Variants in ZMYND11 observed in about 807,000 individuals in gnomAD.
ZMYND11 encodes zinc finger MYND-type containing 11, also known as zinc finger MYND domain-containing protein 11.
Under a neutral mutation model 84.9 loss-of-function variants are expected in ZMYND11, and 9 were observed. The observed-to-expected ratio is 0.11, with a 90% CI of 0.06 to 0.18. The LOEUF (loss-of-function observed/expected upper bound fraction) is 0.18. Among genes scored for constraint, ZMYND11 ranks in the 10% least tolerant of loss-of-function variants. The pLI, the probability that ZMYND11 is intolerant of heterozygous loss-of-function variation, is 1.00. For missense variants in ZMYND11, 409 were observed against 761.0 expected (o/e 0.54, Z 5.44); for synonymous variants, 250 against 244.1 (o/e 1.02, Z -0.23).
At chr10:149,285 GTTATT>G (rs1839705561) in intron 1 of ZMYND11, among the ~76,000 whole-genome samples, 1 of 139,322 alleles carries the variant, frequency 7.2e-6, no homozygotes. Flanking sequence ...TGAGGTGGTT[GTTATT>G]ATTATTATTA....
rs372992673 is a variant in ZMYND11, at chr10:232,858, G to C, written c.439-3980G>C. Among the ~76,000 whole-genome samples, 13 of 152,330 alleles carry C rather than the reference G, an allele frequency of 8.5e-5. No individual in the cohort carries two copies. The East Asian group carries it at 1.5e-3, about 18-fold the overall frequency. On this transcript the variant is annotated intron_variant, in intron 4 of 14. Transcript: ENST00000381604. ...CATAGCACTGTTAGCATATAAATGA[G>C]AGAAGTATTCCTCTTTGTGCAGTAA... is the stretch of plus-strand genomic sequence containing the variant.
In ZMYND11 at chr10:158,993, T is replaced by TTG. The variant is rs1554760512; in HGVS notation, c.-19-21000_-19-20999insGT. ...ATTTGCAGGGTTTTTTGTTTTTTGT[T>TTG]TTTTTTTTTTTTTTTACATTATGTG... On this transcript the variant is annotated intron_variant, in intron 1 of 14. Transcript: ENST00000381604. Among the ~76,000 whole-genome samples the TTG allele has an allele frequency of 4.1e-3, 595 of 145,470 alleles. 9 individuals are homozygous for TTG. Among genetic ancestry groups the TTG allele is most frequent in the African/African-American group, 0.015 (576 of 39,106 alleles).
chr10:154,718 CTTTTAATAGATGTAAAGA>C (rs1841291463), intron 1 of ZMYND11: 1 of 152,046 alleles, frequency 6.6e-6, no homozygotes, highest in South Asian at 2.1e-4. Flanking sequence ...ATTTTTATAT[CTTTTAATAGATGTAAAGA>C]TTTTAATAGA....
chr10:140,290 A>G (rs1325865717), intron 1 of ZMYND11, among the ~76,000 whole-genome samples: 2 of 152,250 alleles, frequency 1.3e-5, no homozygotes, highest in African/African-American at 4.8e-5. Context: ...GTCCTTTTGA[A>G]TAATCATGGC....
rs1405234408 is a variant in ZMYND11, at chr10:135,992, G to A, written c.-20+433G>A. Among the ~76,000 whole-genome samples the A allele has an allele frequency of 1.3e-5, 2 of 151,128 alleles. No homozygotes were observed. The highest frequency in any genetic ancestry group is 3.0e-5 in the Non-Finnish European group (2 of 67,228). The stretch of plus-strand genomic sequence containing the variant: ...GCCGGCGGGGAACGCGGCTCCGGGC[G>A]TGTGGCGGGCGGAGAGGAAGCGTTT... On this transcript the variant is annotated intron_variant, in intron 1 of 14. Coordinates refer to ENST00000381604, the MANE Select transcript of ZMYND11 (RefSeq NM_001370100.5). The surrounding 1 kb of genome is among the most constrained non-coding windows in gnomAD (Gnocchi z 5.6).
rs760260406 is a variant in ZMYND11, at chr10:252,496, G to A, written c.*26G>A. 31 of 1,599,552 alleles carry A rather than the reference G, an allele frequency of 1.9e-5. No individual in the cohort carries two copies. The highest frequency in any genetic ancestry group is 2.2e-5 in the South Asian group (2 of 90,242). On this transcript the variant is annotated 3_prime_UTR_variant, in exon 15 of 15. Transcript: ENST00000381604. This position sits in a 1 kb window ranked among gnomAD's most constrained non-coding sequence, Gnocchi z 4.6. Reference sequence around the variant, plus strand: ...AGCTGGCCCTTCCCGGAGTCACCCCGATGATTACTCTTTTCAGACACAGCG... The same window carrying A: ...AGCTGGCCCTTCCCGGAGTCACCCCAATGATTACTCTTTTCAGACACAGCG...
chr10:135,331 G>A (rs1554751601), upstream of ZMYND11: 1 of 150,810 alleles, frequency 6.6e-6, no homozygotes. The surrounding 1 kb of genome is among the most constrained non-coding windows in gnomAD (Gnocchi z 5.6). Flanking sequence ...GGCGCCCCTC[G>A]AGCCCGGAGC....
At chr10:207,842 A>G (rs1215350504) in intron 2 of ZMYND11, among the ~76,000 whole-genome samples, 1 of 152,216 alleles carries the variant, frequency 6.6e-6, no homozygotes, top group African/African-American at 2.4e-5. Flanking sequence ...TCGCCAAGTC[A>G]ATCCTAAGCC....
chr10:237,486 AAAAAAT>A (rs1364022257), intron 5 of ZMYND11, 93 bp from the exon 6 acceptor site: 1 of 716,568 alleles, frequency 1.4e-6, no homozygotes, highest in Non-Finnish European at 2.2e-6. Context: ...CTACAAAAAT[AAAAAAT>A]AAAAAGGTAG....
intron 2 of ZMYND11, among the ~76,000 whole-genome samples, chr10:207,531 C>A (rs1008692407): frequency 1.3e-5 from 2 of 152,184 alleles, no homozygotes; most frequent in African/African-American, 4.8e-5. Flanking sequence ...GACTGCCATT[C>A]TAACTGGTGT....
chr10:228,013 A>G (rs945166058), intron 4 of ZMYND11, among the ~76,000 whole-genome samples: 1 of 152,186 alleles, frequency 6.6e-6, no homozygotes, highest in African/African-American at 2.4e-5. Flanking sequence ...TAACAAAAGG[A>G]GAAAGTTAAT....
intron 1 of ZMYND11, among the ~76,000 whole-genome samples, chr10:171,007 G>T (rs1845186221): frequency 6.6e-6 from 1 of 152,054 alleles, no homozygotes; most frequent in South Asian, 2.1e-4. Flanking sequence ...CTAATGAAAA[G>T]AAAATCAGAA....
intron 4 of ZMYND11, among the ~76,000 whole-genome samples, chr10:232,048 C>A (rs1269584931): frequency 6.6e-6 from 1 of 152,190 alleles, no homozygotes; most frequent in Non-Finnish European, 1.5e-5. Context: ...AGGAATAATT[C>A]TTCAAAGCCT....
chr10:165,285 T>C (rs1843730632), intron 1 of ZMYND11, among the ~76,000 whole-genome samples: 1 of 152,154 alleles, frequency 6.6e-6, no homozygotes, highest in Non-Finnish European at 1.5e-5. Flanking sequence ...AAATCTTGCC[T>C]TCACTGGACT....
chr10:145,226 G>A (rs1041246205), intron 1 of ZMYND11, among the ~76,000 whole-genome samples: 33 of 150,074 alleles, frequency 2.2e-4, no homozygotes, highest in African/African-American at 7.8e-4. Flanking sequence ...ATATATGTGT[G>A]TATATATATG....
intron 2 of ZMYND11, among the ~76,000 whole-genome samples, chr10:189,445 A>C (rs1939714225): frequency 6.6e-6 from 1 of 152,206 alleles, no homozygotes; most frequent in African/African-American, 2.4e-5. Flanking sequence ...ACAACTGATT[A>C]GTATTATACT....
intron 2 of ZMYND11, among the ~76,000 whole-genome samples, chr10:184,990 G>A (rs1352075598): frequency 6.6e-6 from 1 of 151,844 alleles, no homozygotes; most frequent in Non-Finnish European, 1.5e-5. Flanking sequence ...GCCTTTCTCT[G>A]TAATACCGGG....
At chr10:241,634 A>G (rs1950955046) in intron 9 of ZMYND11, among the ~76,000 whole-genome samples, 1 of 152,266 alleles carries the variant, frequency 6.6e-6, no homozygotes, top group African/African-American at 2.4e-5. Flanking sequence ...CTTGGCCGGC[A>G]GCCTTGGCTG....
At chr10:183,682 G>A (rs1020533442) in intron 2 of ZMYND11, among the ~76,000 whole-genome samples, 3 of 152,072 alleles carry the variant, frequency 2.0e-5, no homozygotes, top group Non-Finnish European at 4.4e-5. Flanking sequence ...TCCTTTAATG[G>A]TAACCAATTA....
Sources: allele counts gnomAD v4.1 joint callset (sites outside exome capture counted in the v4.1 genomes callset), GRCh38; gene constraint gnomAD v4.1.1; non-coding constraint Gnocchi (gnomAD v3.1); transcripts MANE v1.5; gene names NCBI Gene and HGNC (gene_info 2026-07-23, HGNC 2026-07-21).